Variants in ARIH1 observed in about 807,000 individuals in gnomAD.
ARIH1 encodes E3 ubiquitin-protein ligase ARIH1.
ARIH1 carries 8 observed loss-of-function variants against 85.0 expected under a neutral mutation model. The ratio of observed to expected loss-of-function variants is 0.09; its 90% CI spans 0.06 to 0.17. The LOEUF is 0.17. Among genes scored for constraint, ARIH1 ranks in the 10% least tolerant of loss-of-function variants. The probability of loss-of-function intolerance (pLI) is 1.00; values close to 1 mark genes in which losing one functional copy is unlikely to be tolerated. For synonymous variants in ARIH1, 238 were observed against 253.6 expected, an observed-to-expected ratio of 0.94 and a Z score of 0.59; for missense variants, 311 against 718.1, an observed-to-expected ratio of 0.43 and a Z score of 6.48.
intron 2 of ARIH1, among the ~76,000 whole-genome samples, chr15:72,540,655 G>C (rs1044152604): frequency 2.0e-5 from 3 of 152,012 alleles, no homozygotes; most frequent in African/African-American, 7.3e-5. Context: ...TTCTAGAATG[G>C]ATCAAAAAGC....
rs956157233 is a variant in ARIH1 at position 72,575,085 on chromosome 15, C to A, written c.1215+2920C>A. On this transcript the variant is annotated intron_variant, in intron 11 of 13. Coordinates refer to ENST00000379887, the MANE Select transcript of ARIH1 (RefSeq NM_005744.5). Reference sequence around the variant, plus strand: ...CCCTCTTTAGCCTGGATGGCAGAGACCCTATCTCAGAACAAAAAAACAACA... The same window carrying A: ...CCCTCTTTAGCCTGGATGGCAGAGAACCTATCTCAGAACAAAAAAACAACA... Among the ~76,000 whole-genome samples, 91 of 151,926 alleles carry A rather than the reference C, an allele frequency of 6.0e-4. 1 individual carries two copies. The highest frequency in any genetic ancestry group is 2.1e-3 in the African/African-American group (86 of 41,442).
chr15:72,474,894 CGGT>C lies in ARIH1; in HGVS notation c.264_266del (p.Gly90del), dbSNP rs767633154. On this transcript the variant is annotated inframe_deletion, in exon 1 of 14. Transcript: ENST00000379887. ...GCGGTGGCGGCGGCGGCGGCGGCGG[CGGT>C]GGTGGTGGCGGGCCGGGGCATGAGC... is the stretch of plus-strand genomic sequence containing the variant. 15 of 1,397,826 alleles carry C rather than the reference CGGT, an allele frequency of 1.1e-5. No individual in the cohort carries two copies. The highest frequency in any genetic ancestry group is 1.4e-5 in the Non-Finnish European group (15 of 1,068,640). 86.6% of individuals were successfully genotyped at this position (1,397,826 alleles called of 1,614,324 possible). A position where few individuals can be genotyped will look rare whatever the true frequency, so the allele number is the denominator to read the frequency against.
chr15:72,542,187 T>TA (rs1567351500), intron 2 of ARIH1, among the ~76,000 whole-genome samples: 2 of 152,194 alleles, frequency 1.3e-5, no homozygotes, highest in African/African-American at 2.4e-5. Flanking sequence ...GAATTTCCAT[T>TA]AAAAAATCTT....
chr15:72,528,122 A>C (rs1006034433), intron 2 of ARIH1, among the ~76,000 whole-genome samples: 2 of 152,222 alleles, frequency 1.3e-5, no homozygotes, highest in Non-Finnish European at 2.9e-5. Context: ...GTAGGTTATT[A>C]AATTATAATA....
At chr15:72,569,818 C>G (rs2064235603) in intron 9 of ARIH1, among the ~76,000 whole-genome samples, 1 of 151,864 alleles carries the variant, frequency 6.6e-6, no homozygotes, top group Non-Finnish European at 1.5e-5. Context: ...AAAAGAAATC[C>G]TAGGAAGGCT....
At chr15:72,563,962 G>T (rs2064208188) in intron 7 of ARIH1, among the ~76,000 whole-genome samples, 1 of 152,116 alleles carries the variant, frequency 6.6e-6, no homozygotes, top group Admixed American at 6.5e-5. Flanking sequence ...GAGTTCTATA[G>T]TATACTCTTC....
chr15:72,511,265 T>C (rs1247393848), intron 1 of ARIH1, among the ~76,000 whole-genome samples: 1 of 152,236 alleles, frequency 6.6e-6, no homozygotes, highest in East Asian at 1.9e-4. Context: ...TCTTCAGTTA[T>C]TCATTACTAG....
chr15:72,529,692 T>C (rs2064047193), intron 2 of ARIH1, among the ~76,000 whole-genome samples: 2 of 152,166 alleles, frequency 1.3e-5, no homozygotes, highest in Admixed American at 1.3e-4. Flanking sequence ...TAATGAGGTG[T>C]GGCATTTGAT....
chr15:72,523,939 CTTTTTTTTTTTTT>C (rs397853910), intron 2 of ARIH1, among the ~76,000 whole-genome samples: 2 of 61,672 alleles, frequency 3.2e-5, no homozygotes, highest in Non-Finnish European at 5.9e-5. Flanking sequence ...ACTTTTACAT[CTTTTTTTTTTTTT>C]TTTTTTTTTT....
At chr15:72,490,891 G>A (rs1461334209) in intron 1 of ARIH1, among the ~76,000 whole-genome samples, 1 of 152,148 alleles carries the variant, frequency 6.6e-6, no homozygotes, top group Non-Finnish European at 1.5e-5. Flanking sequence ...GCCGAGGTGG[G>A]CAGATCATGA....
chr15:72,563,341 G>T, intron 6 of ARIH1, 53 bp from the exon 7 acceptor site: 2 of 1,503,328 alleles, frequency 1.3e-6, no homozygotes, highest in Non-Finnish European at 9.3e-7. Context: ...TTATAGGTGT[G>T]AGCCACTGTG....
chr15:72,556,998 G>A (rs1284203602), intron 5 of ARIH1, among the ~76,000 whole-genome samples: 3 of 152,122 alleles, frequency 2.0e-5, no homozygotes, highest in Non-Finnish European at 4.4e-5. Context: ...TCGTGTGTTT[G>A]CTATTGTGAA....
At chr15:72,517,304 A>AACTAACTAAC (rs2063979401) in intron 1 of ARIH1, among the ~76,000 whole-genome samples, 1 of 152,100 alleles carries the variant, frequency 6.6e-6, no homozygotes, top group African/African-American at 2.4e-5. Flanking sequence ...GGGTCTAACT[A>AACTAACTAAC]TGTTGTCCAG....
rs763191828 is a variant in ARIH1, at chr15:72,563,489, G to A, written c.900G>A (p.Gly300=). The change falls in exon 7 of 14, where the codon GGG becomes GGA. Residue 300 remains glycine (G), a synonymous_variant. Transcript: ENST00000379887. ...CTAAACCTGTTCGCTGCAAATGTGG[G>A]CGCCAATTTTGGTAAGCAAGTGATT... ...PDAKPVRCKC[G]RQFCFNCGEN... 2.5e-6 allele frequency: 4 copies of A among 1,613,878 alleles called. No homozygotes were observed. The highest frequency in any genetic ancestry group is 3.4e-6 in the Non-Finnish European group (4 of 1,179,828).
At chr15:72,498,848 TAAA>T (rs200906515) in intron 1 of ARIH1, among the ~76,000 whole-genome samples, 4 of 124,556 alleles carry the variant, frequency 3.2e-5, no homozygotes, top group Admixed American at 1.6e-4. Flanking sequence ...ATCTCAAAAA[TAAA>T]AAAAAAAAAG....
At position 72,565,201 on chromosome 15, in the gene ARIH1, G is replaced by A. The variant is rs570964273; in HGVS notation, c.912-1362G>A. Among the ~76,000 whole-genome samples the A allele has an allele frequency of 7.9e-5, 12 of 152,184 alleles. No homozygotes were observed. In the South Asian group the frequency reaches 2.5e-3, roughly 32 times the overall value. On this transcript the variant is annotated intron_variant, in intron 7 of 13. Coordinates refer to ENST00000379887, the MANE Select transcript of ARIH1 (RefSeq NM_005744.5). ...CTCTTGAGTAGCTGGGATTACAGGC[G>A]TGTGCCACCACGCCTGGCTAATTTT...
At chr15:72,523,657 G>T (rs578205519) in intron 2 of ARIH1, among the ~76,000 whole-genome samples, 1 of 152,112 alleles carries the variant, frequency 6.6e-6, no homozygotes, top group East Asian at 1.9e-4. Context: ...ACAGACTTTG[G>T]GTAACAACGG....
rs1473312474 is a variant in ARIH1 at position 72,602,071 on chromosome 15, AATTT to A, written c.*18785_*18788del. On this transcript the variant is annotated 3_prime_UTR_variant, in exon 14 of 14. Coordinates refer to ENST00000379887, the MANE Select transcript of ARIH1 (RefSeq NM_005744.5). ...CATGCGCCATATAATATGGACTTAT[AATTT>A]ATTTAACCTCTATCTAGGTTGGTTT... The A allele has an allele frequency of 3.9e-5, 6 of 152,212 alleles. No individual in the cohort carries two copies. The highest frequency in any genetic ancestry group is 1.9e-4 in the East Asian group (1 of 5,200). 9.4% of individuals were successfully genotyped at this position (152,212 alleles called of 1,614,324 possible).
At chr15:72,544,792 T>G (rs1312903775) in intron 2 of ARIH1, 28 bp from the exon 3 acceptor site, 1 of 1,596,504 alleles carries the variant, frequency 6.3e-7, no homozygotes, top group Admixed American at 1.7e-5. Context: ...GTTGCTGGGC[T>G]CTTATCCTTT....
Sources: allele counts gnomAD v4.1 joint callset (sites outside exome capture counted in the v4.1 genomes callset), GRCh38; gene constraint gnomAD v4.1.1; transcripts MANE v1.5; gene names NCBI Gene and HGNC (gene_info 2026-07-23, HGNC 2026-07-21).